CD34: variants seen among roughly 807,000 people sequenced by gnomAD.
CD34 encodes the protein CD34 molecule.
Under a neutral mutation model 40.1 loss-of-function variants are expected in CD34, and 34 were observed. That is an observed-to-expected ratio of 0.85 (90% CI 0.65 to 1.13). The LOEUF is 1.13. CD34 is among the 50% of genes most tolerant of loss of function. The probability of loss-of-function intolerance (pLI) is 0.00; values close to 1 mark genes in which losing one functional copy is unlikely to be tolerated. For missense variants in CD34, 426 were observed against 466.9 expected (o/e 0.91, Z 0.81); for synonymous variants, 209 against 190.0 (o/e 1.10, Z -0.82).
chr1:207,901,111 C>T (rs1280445649), intron 1 of CD34, among the ~76,000 whole-genome samples: 1 of 151,410 alleles, frequency 6.6e-6, no homozygotes, highest in African/African-American at 2.4e-5. Context: ...CTCAAGTGAT[C>T]CTCCTGTCTT....
In CD34 at chr1:207,887,661, C is replaced by T; in HGVS notation, c.*77G>A. 1 of 1,580,476 alleles carries T rather than the reference C, an allele frequency of 6.3e-7. No individual in the cohort carries two copies. The highest frequency in any genetic ancestry group is 1.3e-5 in the African/African-American group (1 of 74,694). ...TGGGCGTAAGAGATGTCACCTCCAGCATGGGGGTAGCACGTGGTCAGATGC... is the reference window on the plus strand; with the variant it reads ...TGGGCGTAAGAGATGTCACCTCCAGTATGGGGGTAGCACGTGGTCAGATGC... On this transcript the variant is annotated 3_prime_UTR_variant, in exon 8 of 8. Transcript: ENST00000310833.
rs1173394008 is a variant in CD34, at chr1:207,886,942, A to T, written c.*796T>A. On this transcript the variant is annotated 3_prime_UTR_variant, in exon 8 of 8. Coordinates refer to ENST00000310833, the MANE Select transcript of CD34 (RefSeq NM_001025109.2). ...TCAGAGGAAGAGGATTTTTCGGAAG[A>T]GTACAGGTGAGAGGCTCAGCTCCAA... is the stretch of plus-strand genomic sequence containing the variant. 2 of 152,288 alleles carry T rather than the reference A, an allele frequency of 1.3e-5. No individual in the cohort carries two copies. Among genetic ancestry groups the T allele is most frequent in the Non-Finnish European group, 2.9e-5 (2 of 68,098 alleles). 9.4% of individuals were successfully genotyped at this position (152,288 alleles called of 1,614,324 possible).
Position 207,887,803 on chromosome 1 carries a change from C to A in CD34, c.1093G>T (p.Gly365Cys), listed in dbSNP as rs79500044. 209 of 1,614,160 alleles carry A rather than the reference C, an allele frequency of 1.3e-4. 1 individual carries two copies. In the East Asian group the frequency reaches 2.4e-3, roughly 18 times the overall value. ...TGGCCGTTTCTGGAGGTGGCCTGGC[C>A]GGTCCCGTTTTCCTGAGCCCCTCGG... ...VNRGAQENGT[G>C]QATSRNGHSA... The change falls in exon 8 of 8, where the codon GGC becomes TGC. Residue 365 changes from glycine (G) to cysteine (C), a missense_variant. Transcript: ENST00000310833.
At chr1:207,889,755 G>GAAAAA in intron 4 of CD34, 134 bp from the exon 5 acceptor site, 4 of 1,492,210 alleles carry the variant, frequency 2.7e-6, no homozygotes, top group Admixed American at 4.4e-5. Context: ...AATTCCAACA[G>GAAAAA]AAAAAAAAAA....
At chr1:207,894,814 C>T (rs1281773392) in intron 4 of CD34, among the ~76,000 whole-genome samples, 2 of 145,026 alleles carry the variant, frequency 1.4e-5, no homozygotes, top group Admixed American at 6.9e-5. Context: ...GGCTGGGGAG[C>T]AAAAAAAAAA....
At chr1:207,909,521 G>T (rs2102308754) in intron 1 of CD34, among the ~76,000 whole-genome samples, 1 of 152,248 alleles carries the variant, frequency 6.6e-6, no homozygotes. Flanking sequence ...GGATTCTCCT[G>T]CCTCAGCCTC....
Position 207,882,984 on chromosome 1 carries a change from C to T in CD34, c.*4754G>A, listed in dbSNP as rs1661834448. ...TTGACAGAAGGGACTATGTCTTATC[C>T]CAGGTGCCTGGCATAGTACCTGGCT... On this transcript the variant is annotated 3_prime_UTR_variant, in exon 8 of 8. Transcript: ENST00000310833. The T allele has an allele frequency of 2.0e-5, 3 of 152,158 alleles. No homozygotes were observed. The highest frequency in any genetic ancestry group is 7.2e-5 in the African/African-American group (3 of 41,428). 9.4% of individuals were successfully genotyped at this position (152,158 alleles called of 1,614,324 possible). A position where few individuals can be genotyped will look rare whatever the true frequency, so the allele number is the denominator to read the frequency against.
At chr1:207,910,116 C>G (rs578169875) in intron 1 of CD34, among the ~76,000 whole-genome samples, 1 of 152,108 alleles carries the variant, frequency 6.6e-6, no homozygotes, top group African/African-American at 2.4e-5. Context: ...AAATATTTAC[C>G]GGGTGCCTAT....
At position 207,900,004 on chromosome 1, in the gene CD34, C is replaced by A; in HGVS notation, c.80-1G>T. ...TTGTCAAGACTCATGAACCCAGAAG[C>A]TATAGGGAAACGAGGAGGAAGAATC... On this transcript the variant is annotated splice_acceptor_variant, in intron 1 of 7. Coordinates refer to ENST00000310833, the MANE Select transcript of CD34 (RefSeq NM_001025109.2). LOFTEE classifies it high-confidence loss of function. The A allele has an allele frequency of 6.2e-7, 1 of 1,601,958 alleles. No homozygotes were observed. Among genetic ancestry groups the A allele is most frequent in the Non-Finnish European group, 8.5e-7 (1 of 1,174,748 alleles).
chr1:207,891,963 G>T (rs1264015356), intron 4 of CD34, among the ~76,000 whole-genome samples: 2 of 152,158 alleles, frequency 1.3e-5, no homozygotes, highest in African/African-American at 4.8e-5. Context: ...TGGCTGGAGG[G>T]TGAGCAGAGG....
chr1:207,906,656 C>T (rs1038325522), intron 1 of CD34, among the ~76,000 whole-genome samples: 5 of 152,134 alleles, frequency 3.3e-5, no homozygotes, highest in African/African-American at 1.2e-4. Context: ...ACCAGCCTGA[C>T]CAATATAGAG....
At position 207,899,847 on chromosome 1, in the gene CD34, C is replaced by T. The variant is rs764284174; in HGVS notation, c.236G>A (p.Gly79Asp). ...TGTGATGTTTGTTGTGGCCTCATTG[C>T]CATGTTGAGACACAGGGTGCAGGCT... ...STSLHPVSQH[G>D]NEATTNITET... The change falls in exon 2 of 8, where the codon GGC becomes GAC. Residue 79 changes from glycine (G) to aspartate (D), a missense_variant. Physicochemically the swap from Gly to Asp is moderately conservative, Grantham distance 94. Coordinates refer to ENST00000310833, the MANE Select transcript of CD34 (RefSeq NM_001025109.2). 3 of 1,612,100 alleles carry T rather than the reference C, an allele frequency of 1.9e-6. No individual in the cohort carries two copies. Among genetic ancestry groups the T allele is most frequent in the Non-Finnish European group, 1.7e-6 (2 of 1,179,194 alleles).
chr1:207,903,908 T>C (rs1662327061), intron 1 of CD34, among the ~76,000 whole-genome samples: 2 of 152,142 alleles, frequency 1.3e-5, no homozygotes, highest in Non-Finnish European at 2.9e-5. Flanking sequence ...TAGATATCTA[T>C]ACCTTAATAA....
intron 2 of CD34, 140 bp from the exon 3 acceptor site, chr1:207,899,366 A>G (rs1662223247): frequency 5.9e-6 from 5 of 853,394 alleles, no homozygotes; most frequent in Non-Finnish European, 9.5e-6. Flanking sequence ...CCCATCCCTG[A>G]CCAAACTCAT....
chr1:207,889,705 A>G (rs1346241649), intron 4 of CD34, 84 bp from the exon 5 acceptor site: 2 of 1,608,236 alleles, frequency 1.2e-6, no homozygotes, highest in African/African-American at 1.3e-5. Flanking sequence ...GATTACAGTC[A>G]TACTCTTACC....
chr1:207,886,936 CG>C lies in CD34; in HGVS notation c.*801del, dbSNP rs1432140190. 6.6e-6 allele frequency: 1 copy of C among 152,258 alleles called. No individual in the cohort carries two copies. The highest frequency in any genetic ancestry group is 1.5e-5 in the Non-Finnish European group (1 of 68,136). The allele number at this position is 152,258 out of a possible 1,614,324, so 9.4% of individuals were successfully genotyped here. On this transcript the variant is annotated 3_prime_UTR_variant, in exon 8 of 8. Transcript: ENST00000310833. The stretch of plus-strand genomic sequence containing the variant: ...CCAGCCTCAGAGGAAGAGGATTTTT[CG>C]GAAGAGTACAGGTGAGAGGCTCAGC...
intron 1 of CD34, among the ~76,000 whole-genome samples, chr1:207,900,229 C>A (rs1414038671): frequency 6.6e-6 from 1 of 152,024 alleles, no homozygotes; most frequent in Non-Finnish European, 1.5e-5. Context: ...ATGTCTCATA[C>A]AGTATTATTT....
intron 2 of CD34, 53 bp from the exon 3 acceptor site, chr1:207,899,279 C>A (rs1662220928): frequency 8.2e-6 from 13 of 1,592,368 alleles, no homozygotes; most frequent in Admixed American, 1.7e-5. Context: ...CATAGATACA[C>A]AAAATCTCAG....
Position 207,903,746 on chromosome 1 carries a change from C to T in CD34, c.80-3743G>A, listed in dbSNP as rs575835264. The stretch of plus-strand genomic sequence containing the variant: ...TAACCCTGGTTATCTGATATCCTAG[C>T]TAAAGTTGAAACGTAGGAAGAGCCT... On this transcript the variant is annotated intron_variant, in intron 1 of 7. Coordinates refer to ENST00000310833, the MANE Select transcript of CD34 (RefSeq NM_001025109.2). Among the ~76,000 whole-genome samples, 9 of 152,260 alleles carry T rather than the reference C, an allele frequency of 5.9e-5. 1 individual carries two copies. The South Asian group carries it at 1.7e-3, about 28-fold the overall frequency.
Sources: gnomAD v4.1 joint callset for allele counts (sites outside exome capture counted in the v4.1 genomes callset) on GRCh38, gnomAD v4.1.1 for gene constraint, MANE v1.5 for transcripts, NCBI Gene and HGNC (gene_info 2026-07-23, HGNC 2026-07-21) for gene names.